The following CORIN variants were observed in gnomAD, a reference collection of about 807,000 sequenced individuals.
CORIN encodes the protein corin, serine peptidase, also known as atrial natriuretic peptide-converting enzyme.
CORIN carries 117 observed loss-of-function variants against 125.3 expected under a neutral mutation model. The ratio of observed to expected loss-of-function variants is 0.93; its 90% CI spans 0.80 to 1.09. The LOEUF (loss-of-function observed/expected upper bound fraction) is 1.09. Among genes scored for constraint, CORIN ranks in the 50% least tolerant of loss-of-function variants. The probability of loss-of-function intolerance (pLI) is 0.00; values close to 1 mark genes in which losing one functional copy is unlikely to be tolerated. For missense variants in CORIN, 1,253 were observed against 1,306.7 expected (o/e 0.96, Z 0.63); for synonymous variants, 450 against 466.4 (o/e 0.96, Z 0.45).
intron 3 of CORIN, among the ~76,000 whole-genome samples, chr4:47,767,358 A>G (rs1429577680): frequency 1.4e-5 from 2 of 146,372 alleles, no homozygotes; most frequent in Non-Finnish European, 3.0e-5. Context: ...TACCACCATT[A>G]AAAAGAAAAA....
In CORIN at chr4:47,623,737, G is replaced by A. The variant is rs778994562; in HGVS notation, c.2374C>T (p.Arg792Cys). Residue 792 changes from arginine to cysteine, a missense_variant, in exon 19 of 22, where the codon CGC becomes TGC. Coordinates refer to ENST00000273857, the MANE Select transcript of CORIN (RefSeq NM_006587.4). ...SLLCTKQDCGRRPAARMNKRI... is the reference protein window; with the variant it reads ...SLLCTKQDCGCRPAARMNKRI... ...TTGTTCATTCGGGCAGCAGGGCGGC[G>A]CCCACAGTCTACCAAGGAGCAGAAG... The A allele has an allele frequency of 1.5e-5, 25 of 1,614,032 alleles. No homozygotes were observed. The highest frequency in any genetic ancestry group is 4.5e-5 in the East Asian group (2 of 44,892).
At chr4:47,758,515 C>G (rs567611105) in intron 4 of CORIN, among the ~76,000 whole-genome samples, 1 of 152,166 alleles carries the variant, frequency 6.6e-6, no homozygotes, top group South Asian at 2.1e-4. Context: ...GACAAAACAG[C>G]CAAACCAAGC....
chr4:47,765,357 T>C (rs1369599954), intron 3 of CORIN, among the ~76,000 whole-genome samples: 1 of 152,082 alleles, frequency 6.6e-6, no homozygotes, highest in Non-Finnish European at 1.5e-5. Context: ...ATATTAGCAT[T>C]TGGAGAGCTT....
chr4:47,703,640 T>C (rs1359775701), intron 5 of CORIN, among the ~76,000 whole-genome samples: 7 of 152,218 alleles, frequency 4.6e-5, no homozygotes. Context: ...AGTATATTAA[T>C]CAGTAATGGA....
At chr4:47,747,550 A>G (rs1728715662) in intron 4 of CORIN, among the ~76,000 whole-genome samples, 1 of 151,966 alleles carries the variant, frequency 6.6e-6, no homozygotes, top group South Asian at 2.1e-4. Flanking sequence ...ATCATTCTAC[A>G]TCTTTTCTTA....
intron 1 of CORIN, among the ~76,000 whole-genome samples, chr4:47,824,658 A>G (rs1732663681): frequency 6.6e-6 from 1 of 152,102 alleles, no homozygotes; most frequent in African/African-American, 2.4e-5. Context: ...CAGGATGGAA[A>G]CTCAATTCTA....
chr4:47,630,425 T>C (rs1315714194), intron 16 of CORIN, among the ~76,000 whole-genome samples: 20 of 152,190 alleles, frequency 1.3e-4, no homozygotes, highest in Admixed American at 1.3e-3. Flanking sequence ...TTTTGTATTA[T>C]ATGAAAAGAC....
At chr4:47,669,277 T>G (rs1237013388) in intron 10 of CORIN, among the ~76,000 whole-genome samples, 2 of 152,220 alleles carry the variant, frequency 1.3e-5, no homozygotes, top group African/African-American at 4.8e-5. Flanking sequence ...GATGTGATAC[T>G]CTGAAGTTAC....
chr4:47,794,983 G>A (rs1275102150), intron 2 of CORIN, among the ~76,000 whole-genome samples: 64 of 152,124 alleles, frequency 4.2e-4, no homozygotes, highest in East Asian at 1.9e-4. Flanking sequence ...ATAAGATAAG[G>A]GTCCCATTTC....
At chr4:47,824,677 AT>A (rs1214840670) in intron 1 of CORIN, among the ~76,000 whole-genome samples, 1 of 152,092 alleles carries the variant, frequency 6.6e-6, no homozygotes, top group Admixed American at 6.5e-5. Flanking sequence ...TATTGTTATG[AT>A]TCTATTGTTC....
intron 5 of CORIN, among the ~76,000 whole-genome samples, chr4:47,743,524 G>A (rs554060705): frequency 6.6e-6 from 1 of 152,368 alleles, no homozygotes; most frequent in East Asian, 1.9e-4. Flanking sequence ...GAGCTGGTAA[G>A]AGCATAAATT....
chr4:47,792,286 G>A (rs1731114859), intron 2 of CORIN, among the ~76,000 whole-genome samples: 1 of 152,172 alleles, frequency 6.6e-6, no homozygotes, highest in Admixed American at 6.5e-5. Context: ...AGACAGGATA[G>A]GTCTTGTACA....
intron 19 of CORIN, among the ~76,000 whole-genome samples, chr4:47,618,812 T>C (rs113867164): frequency 1.9e-4 from 27 of 142,156 alleles, no homozygotes; most frequent in African/African-American, 6.7e-4. Context: ...AGCGAGACTC[T>C]GTCTCACAAA....
chr4:47,817,346 G>C (rs79695096), intron 1 of CORIN, among the ~76,000 whole-genome samples: 4,806 of 151,686 alleles, frequency 0.032, 266 homozygotes, highest in African/African-American at 0.11. Flanking sequence ...TGAACCAGGA[G>C]TCTTGAGAGA....
At chr4:47,691,689 T>A (rs1666184997) in intron 6 of CORIN, among the ~76,000 whole-genome samples, 1 of 152,134 alleles carries the variant, frequency 6.6e-6, no homozygotes, top group Non-Finnish European at 1.5e-5. Flanking sequence ...TATACAAATG[T>A]GTATTCTAAC....
chr4:47,654,380 CAT>C (rs1723869152), intron 12 of CORIN, among the ~76,000 whole-genome samples: 1 of 152,196 alleles, frequency 6.6e-6, no homozygotes, highest in Non-Finnish European at 1.5e-5. Flanking sequence ...TATAAGCAAT[CAT>C]AGTACCTGGT....
intron 4 of CORIN, among the ~76,000 whole-genome samples, chr4:47,749,226 G>C (rs1728791948): frequency 6.6e-6 from 1 of 152,102 alleles, no homozygotes; most frequent in South Asian, 2.1e-4. Flanking sequence ...CTGGAGTGTA[G>C]GTTGCCTGAG....
chr4:47,770,442 A>C (rs1478297112), intron 3 of CORIN, among the ~76,000 whole-genome samples: 1 of 152,198 alleles, frequency 6.6e-6, no homozygotes, highest in Non-Finnish European at 1.5e-5. Context: ...AAATTAGTGT[A>C]GCCATTATGG....
At position 47,603,601 on chromosome 4, in the gene CORIN, T is replaced by C; in HGVS notation, c.2608A>G (p.Met870Val). 1 of 1,614,212 alleles carries C rather than the reference T, an allele frequency of 6.2e-7. No individual in the cohort carries two copies. The highest frequency in any genetic ancestry group is 8.5e-7 in the Non-Finnish European group (1 of 1,180,028). The stretch of plus-strand genomic sequence containing the variant: ...ATGGTCTTCACAAAGCGTGTCTGCA[T>C]GAACACTGATGGATGGTCTAGATTG... The part of the protein sequence containing the change: ...INNLDHPSVF[M>V]QTRFVKTIIL... Residue 870 changes from methionine (M) to valine (V), a missense_variant, in exon 20 of 22, where the codon ATG becomes GTG. By Grantham distance (21) the Met-to-Val change is conservative. Transcript: ENST00000273857.
Sources: allele counts gnomAD v4.1 joint callset (sites outside exome capture counted in the v4.1 genomes callset), GRCh38; gene constraint gnomAD v4.1.1; transcripts MANE v1.5; gene names NCBI Gene and HGNC (gene_info 2026-07-23, HGNC 2026-07-21).